TFPT: variants seen among roughly 807,000 people sequenced by gnomAD.
The protein encoded by TFPT is INO80 complex subunit F.
Under a neutral mutation model 28.8 loss-of-function variants are expected in TFPT, and 27 were observed. The ratio of observed to expected loss-of-function variants is 0.94; its 90% CI spans 0.69 to 1.29. The LOEUF (loss-of-function observed/expected upper bound fraction) is 1.29, where lower values mean the gene tolerates loss of function less well. Among genes scored for constraint, TFPT ranks in the 50% most tolerant of loss-of-function variants. The pLI is 0.00. For missense variants in TFPT, 330 were observed against 338.0 expected, an observed-to-expected ratio of 0.98 and a Z score of 0.19; for synonymous variants, 152 against 142.8, an observed-to-expected ratio of 1.06 and a Z score of -0.46.
intron 3 of TFPT, chr19:54,108,781 CTAATGA>C: frequency 1.6e-6 from 1 of 626,520 alleles, no homozygotes; most frequent in Non-Finnish European, 2.7e-6. Flanking sequence ...AACGCTCCTC[CTAATGA>C]CCTCACCTCT....
In TFPT at chr19:54,115,603, G is replaced by C. The variant is rs1030592962; in HGVS notation, c.-334C>G. 2.2e-6 allele frequency: 1 copy of C among 459,908 alleles called. No homozygotes were observed. The highest frequency in any genetic ancestry group is 3.9e-6 in the Non-Finnish European group (1 of 256,962). The allele number at this position is 459,908 out of a possible 1,614,324, so 28.5% of individuals were successfully genotyped here. ...AGGATCGGTCCACAGCGGGACGTGAGTCCCTTTCCTCCTCGCGGCTTACCG... is the reference window on the plus strand; with the variant it reads ...AGGATCGGTCCACAGCGGGACGTGACTCCCTTTCCTCCTCGCGGCTTACCG... On this transcript the variant is annotated 5_prime_UTR_variant, in exon 1 of 6. Coordinates refer to ENST00000391759, the MANE Select transcript of TFPT (RefSeq NM_013342.4).
In TFPT at chr19:54,108,161, G is replaced by C. The variant is rs775339052; in HGVS notation, c.507C>G (p.Pro169=). Residue 169 remains proline, a synonymous_variant, in exon 5 of 6, where the codon CCC becomes CCG. Transcript: ENST00000391759. ...EPPEKETLSP[P]RRTPAPPEPG... is the part of the protein sequence containing the mutation. Reference sequence around the variant, plus strand: ...GTTCTGGGGGTGCAGGAGTCCTTCTGGGCGGGGACAGTGTCTCTTTCTCTG... The same window carrying C: ...GTTCTGGGGGTGCAGGAGTCCTTCTCGGCGGGGACAGTGTCTCTTTCTCTG... 1.3e-6 allele frequency: 2 copies of C among 1,591,540 alleles called. No homozygotes were observed. The highest frequency in any genetic ancestry group is 1.7e-6 in the Non-Finnish European group (2 of 1,166,790).
At chr19:54,113,112 A>G (rs1256188553) in intron 2 of TFPT, among the ~76,000 whole-genome samples, 1 of 151,240 alleles carries the variant, frequency 6.6e-6, no homozygotes, top group African/African-American at 2.4e-5. Flanking sequence ...AAAAAAAAAA[A>G]AAAAAAAAAG....
chr19:54,109,898 TC>T (rs2073403056), intron 3 of TFPT, 152 bp downstream of exon 3: 4 of 261,628 alleles, frequency 1.5e-5, no homozygotes, highest in South Asian at 8.2e-5. Flanking sequence ...ATCCCACTCT[TC>T]CTCCTTGTTT....
Position 54,115,279 on chromosome 19 carries a change from C to G in TFPT, c.-10G>C. 1 of 1,614,054 alleles carries G rather than the reference C, an allele frequency of 6.2e-7. No individual in the cohort carries two copies. Among genetic ancestry groups the G allele is most frequent in the Non-Finnish European group, 8.5e-7 (1 of 1,180,030 alleles). ...TCTGCTCCAATTCCATCTCCGCGAC[C>G]TCCGGAAGCCCCGGGCCTCAGAGCT... On this transcript the variant is annotated 5_prime_UTR_variant, in exon 1 of 6. Transcript: ENST00000391759.
intron 1 of TFPT, chr19:54,115,026 T>G: frequency 1.4e-6 from 1 of 721,146 alleles, no homozygotes; most frequent in Non-Finnish European, 2.2e-6. Context: ...GACGCAAGAG[T>G]CCTGGCTTCC....
At chr19:54,111,498 A>G (rs1417658386) in intron 2 of TFPT, among the ~76,000 whole-genome samples, 1 of 75,814 alleles carries the variant, frequency 1.3e-5, no homozygotes, top group Non-Finnish European at 2.4e-5. Flanking sequence ...CATCTCTACT[A>G]AAAAAAAAAA....
chr19:54,108,297 C>G (rs749148390), intron 4 of TFPT, 29 bp downstream of exon 4: 1 of 1,583,004 alleles, frequency 6.3e-7, no homozygotes, highest in Non-Finnish European at 8.6e-7. Flanking sequence ...GCTCCCAGTT[C>G]CTGACCCTCC....
intron 3 of TFPT, chr19:54,108,857 A>G (rs1373648394): frequency 2.5e-6 from 1 of 403,368 alleles, no homozygotes; most frequent in Non-Finnish European, 4.5e-6. Context: ...TTAAGGTTCA[A>G]TTGATGGAAT....
intron 5 of TFPT, 92 bp from the exon 6 acceptor site, chr19:54,107,261 T>C (rs1396794908): frequency 1.4e-5 from 21 of 1,536,426 alleles, no homozygotes; most frequent in Non-Finnish European, 1.8e-5. Flanking sequence ...TGTTTTGCTT[T>C]TTAAAGAGAC....
chr19:54,115,072 C>T lies in TFPT; in HGVS notation c.23+175G>A, dbSNP rs376174079. 8.1e-5 allele frequency: 81 copies of T among 1,002,690 alleles called. No individual in the cohort carries two copies. In the African/African-American group the frequency reaches 9.6e-4, roughly 12 times the overall value. 62.1% of individuals were successfully genotyped at this position (1,002,690 alleles called of 1,614,324 possible). A position where few individuals can be genotyped will look rare whatever the true frequency, so the allele number is the denominator to read the frequency against. ...TCTGTCAGATCCAGCAGTCCAAACC[C>T]CTAACCTTCTCCTCCCTCAGGATGA... On this transcript the variant is annotated intron_variant, in intron 1 of 5. Transcript: ENST00000391759.
chr19:54,108,140 T>C lies in TFPT; in HGVS notation c.528A>G (p.Pro176=). 6.3e-7 allele frequency: 1 copy of C among 1,585,132 alleles called. No individual in the cohort carries two copies. Among genetic ancestry groups the C allele is most frequent in the Non-Finnish European group, 8.6e-7 (1 of 1,164,134 alleles). ...LSPPRRTPAP[P]EPGSPAPGEG... ...CACCGGGGGCTGGGCTGCCGGGTTCTGGGGGTGCAGGAGTCCTTCTGGGCG... is the reference window on the plus strand; with the variant it reads ...CACCGGGGGCTGGGCTGCCGGGTTCCGGGGGTGCAGGAGTCCTTCTGGGCG... The change falls in exon 5 of 6, where the codon CCA becomes CCG. Residue 176 remains proline (P), a synonymous_variant. Transcript: ENST00000391759.
At chr19:54,111,019 T>G (rs1266338860) in intron 2 of TFPT, among the ~76,000 whole-genome samples, 1 of 152,184 alleles carries the variant, frequency 6.6e-6, no homozygotes, top group Non-Finnish European at 1.5e-5. Context: ...TGCTGGAGGT[T>G]AGGGCAGGAG....
intron 2 of TFPT, among the ~76,000 whole-genome samples, chr19:54,113,398 C>G (rs1352751827): frequency 6.6e-6 from 1 of 152,112 alleles, no homozygotes; most frequent in Non-Finnish European, 1.5e-5. Flanking sequence ...GGGGAGAGGC[C>G]TGGAAGATTC....
At chr19:54,115,222 T>C (rs751148849) in intron 1 of TFPT, 25 bp downstream of exon 1, 7 of 1,614,144 alleles carry the variant, frequency 4.3e-6, no homozygotes, top group Non-Finnish European at 4.2e-6. Context: ...GATTCGCACT[T>C]TTTCACAAGG....
chr19:54,107,930 C>G (rs1009890159), intron 5 of TFPT, 96 bp downstream of exon 5: 57 of 1,337,892 alleles, frequency 4.3e-5, no homozygotes, highest in Non-Finnish European at 5.4e-5. Flanking sequence ...AACTCAGCCC[C>G]AGCCCTGGCC....
At position 54,108,136 on chromosome 19, in the gene TFPT, G is replaced by A; in HGVS notation, c.532C>T (p.Pro178Ser). 1 of 1,584,192 alleles carries A rather than the reference G, an allele frequency of 6.3e-7. No individual in the cohort carries two copies. The highest frequency in any genetic ancestry group is 1.1e-5 in the South Asian group (1 of 87,072). ...PPRRTPAPPE[P>S]GSPAPGEGPS... ...CCCTCACCGGGGGCTGGGCTGCCGG[G>A]TTCTGGGGGTGCAGGAGTCCTTCTG... The change falls in exon 5 of 6, where the codon CCC becomes TCC. Residue 178 changes from proline (P) to serine (S), a missense_variant. Coordinates refer to ENST00000391759, the MANE Select transcript of TFPT (RefSeq NM_013342.4).
chr19:54,109,665 T>G (rs940877638), intron 3 of TFPT, among the ~76,000 whole-genome samples: 2 of 151,778 alleles, frequency 1.3e-5, no homozygotes, highest in Non-Finnish European at 2.9e-5. Flanking sequence ...CCTTAGTTGA[T>G]AGGAAACAGC....
chr19:54,113,412 C>A (rs1365326761), intron 2 of TFPT, among the ~76,000 whole-genome samples: 4 of 152,160 alleles, frequency 2.6e-5, no homozygotes, highest in South Asian at 4.1e-4. Flanking sequence ...AAGATTCTCA[C>A]AACCCTGTCG....
Sources: allele counts gnomAD v4.1 joint callset (sites outside exome capture counted in the v4.1 genomes callset), GRCh38; gene constraint gnomAD v4.1.1; transcripts MANE v1.5; gene names NCBI Gene and HGNC (gene_info 2026-07-23, HGNC 2026-07-21).